TRDN: variants seen among roughly 807,000 people sequenced by gnomAD.
TRDN encodes the protein triadin, also known as triadin in skeletal muscle.
A neutral mutation model predicts 149.7 loss-of-function variants in TRDN; 161 were observed. The observed-to-expected ratio is 1.08, with a 90% CI of 0.95 to 1.23. The LOEUF is 1.23. Among genes scored for constraint, TRDN ranks in the 50% most tolerant of loss-of-function variants. The pLI is 0.00. For synonymous variants in TRDN, 294 were observed against 250.5 expected (o/e 1.17, Z -1.64); for missense variants, 896 against 823.5 (o/e 1.09, Z -1.08).
intron 5 of TRDN, among the ~76,000 whole-genome samples, chr6:123,519,029 A>G (rs1324655509): frequency 6.6e-6 from 1 of 152,186 alleles, no homozygotes; most frequent in Non-Finnish European, 1.5e-5. Flanking sequence ...AGGAGTTTTC[A>G]TATGGAAGAA....
At chr6:123,388,753 C>A (rs1463431941) in intron 13 of TRDN, among the ~76,000 whole-genome samples, 2 of 151,762 alleles carry the variant, frequency 1.3e-5, no homozygotes, top group East Asian at 3.9e-4. Flanking sequence ...TAAGCATTAG[C>A]AAAAGAAGAA....
chr6:123,264,926 A>T (rs1776888270), intron 33 of TRDN, among the ~76,000 whole-genome samples: 1 of 152,074 alleles, frequency 6.6e-6, no homozygotes, highest in Admixed American at 6.6e-5. Context: ...TATAGTGCAA[A>T]CATAATCTTT....
chr6:123,219,879 C>G lies in TRDN; in HGVS notation c.2051-1139G>C, dbSNP rs377192202. Reference sequence around the variant, plus strand: ...CCCTGCACAAGGAGAAATGGAAATCCATTGCTAAAAGTAGAAGGGCCCATC... The same window carrying G: ...CCCTGCACAAGGAGAAATGGAAATCGATTGCTAAAAGTAGAAGGGCCCATC... On this transcript the variant is annotated intron_variant, in intron 40 of 40. Transcript: ENST00000334268. Among the ~76,000 whole-genome samples the G allele has an allele frequency of 1.7e-4, 26 of 151,896 alleles. 1 individual carries two copies. In the South Asian group the frequency reaches 5.2e-3, roughly 30 times the overall value.
Position 123,218,147 on chromosome 6 carries a change from T to A in TRDN, c.*454A>T, listed in dbSNP as rs1193193959. The A allele has an allele frequency of 6.6e-6, 1 of 151,956 alleles. No homozygotes were observed. The highest frequency in any genetic ancestry group is 1.5e-5 in the Non-Finnish European group (1 of 68,038). 9.4% of individuals were successfully genotyped at this position (151,956 alleles called of 1,614,324 possible). On this transcript the variant is annotated 3_prime_UTR_variant, in exon 41 of 41. Transcript: ENST00000334268. ...GCATCAACTTATTGGGTAAATTAAG[T>A]TTAGATACCCATATGATGCAAAAGG...
At chr6:123,497,873 C>T (rs1778515824) in intron 8 of TRDN, among the ~76,000 whole-genome samples, 1 of 152,112 alleles carries the variant, frequency 6.6e-6, no homozygotes, top group Admixed American at 6.6e-5. Context: ...TTCTTAAGAT[C>T]ATCTTATGAT....
chr6:123,368,430 G>A (rs1781198053), intron 19 of TRDN, among the ~76,000 whole-genome samples: 1 of 152,158 alleles, frequency 6.6e-6, no homozygotes, highest in South Asian at 2.1e-4. Context: ...CTTAGAATAA[G>A]CTGGGGAGTT....
intron 1 of TRDN, among the ~76,000 whole-genome samples, chr6:123,615,609 GC>G (rs1785043525): frequency 6.6e-6 from 1 of 152,018 alleles, no homozygotes; most frequent in Admixed American, 6.6e-5. Context: ...GTCATTCACA[GC>G]AACGTGGATG....
intron 12 of TRDN, among the ~76,000 whole-genome samples, chr6:123,401,238 G>A (rs1239554670): frequency 6.6e-6 from 1 of 152,060 alleles, no homozygotes. Context: ...AAATGGCTAG[G>A]TTTGTAAAAT....
chr6:123,297,713 T>G (rs1778254910), intron 24 of TRDN, among the ~76,000 whole-genome samples: 1 of 151,996 alleles, frequency 6.6e-6, no homozygotes. Flanking sequence ...TCAAAGGCCA[T>G]GCAAAGGGCG....
intron 20 of TRDN, among the ~76,000 whole-genome samples, chr6:123,362,624 G>A (rs111656604): frequency 1.1e-4 from 17 of 152,090 alleles, no homozygotes; most frequent in African/African-American, 2.9e-4. Context: ...ATCTTCTGCC[G>A]TAAACATTGT....
chr6:123,584,696 G>A lies in TRDN; in HGVS notation c.23-13564C>T, dbSNP rs565680740. On this transcript the variant is annotated intron_variant, in intron 1 of 40. Coordinates refer to ENST00000334268, the MANE Select transcript of TRDN (RefSeq NM_006073.4). ...CAGCCTAGGTAATTTGCTGAGCCTA[G>A]TGGGTGTCAGGGTCAGTCCAAGTGA... 9.8e-3 allele frequency among the ~76,000 whole-genome samples: 1,499 copies of A among 152,234 alleles called. 23 individuals are homozygous for A. Among genetic ancestry groups the A allele is most frequent in the East Asian group, 0.036 (187 of 5,160 alleles).
At position 123,217,505 on chromosome 6, in the gene TRDN, C is replaced by T. The variant is rs1005544117; in HGVS notation, c.*1096G>A. The T allele has an allele frequency of 1.3e-5, 2 of 151,736 alleles. No individual in the cohort carries two copies. Among genetic ancestry groups the T allele is most frequent in the African/African-American group, 4.8e-5 (2 of 41,344 alleles). 9.4% of individuals were successfully genotyped at this position (151,736 alleles called of 1,614,324 possible). A position where few individuals can be genotyped will look rare whatever the true frequency, so the allele number is the denominator to read the frequency against. ...TAAAGAACACGAGTATTTATATTAC[C>T]AGGAATATGACAAAAACATAACAGT... On this transcript the variant is annotated 3_prime_UTR_variant, in exon 41 of 41. Transcript: ENST00000334268.
intron 4 of TRDN, among the ~76,000 whole-genome samples, chr6:123,542,983 A>G (rs1016015155): frequency 6.6e-6 from 1 of 152,098 alleles, no homozygotes; most frequent in African/African-American, 2.4e-5. Flanking sequence ...TCTAAAAAAT[A>G]GATATCATTA....
chr6:123,279,644 A>G (rs1239753290), intron 24 of TRDN, among the ~76,000 whole-genome samples: 1 of 151,958 alleles, frequency 6.6e-6, no homozygotes, highest in African/African-American at 2.4e-5. Context: ...TTCATCATTA[A>G]TTCACTGTAA....
intron 16 of TRDN, among the ~76,000 whole-genome samples, chr6:123,379,012 C>T (rs948725630): frequency 8.6e-5 from 13 of 152,020 alleles, no homozygotes; most frequent in Non-Finnish European, 4.4e-5. Context: ...TTTATTTTGC[C>T]TTGACAACCT....
intron 19 of TRDN, among the ~76,000 whole-genome samples, chr6:123,367,497 T>C (rs554919328): frequency 6.6e-6 from 1 of 152,292 alleles, no homozygotes; most frequent in African/African-American, 2.4e-5. Context: ...TTTCAGGTTT[T>C]AATTCCACAA....
rs553947269 is a variant in TRDN, at chr6:123,360,446, T to C, written c.1321+5689A>G. ...TATGGAGAGAACCAGGGGACTATATTGTCATGGTAGCCCAACAACAGAGAA... is the reference window on the plus strand; with the variant it reads ...TATGGAGAGAACCAGGGGACTATATCGTCATGGTAGCCCAACAACAGAGAA... On this transcript the variant is annotated intron_variant, in intron 20 of 40. Coordinates refer to ENST00000334268, the MANE Select transcript of TRDN (RefSeq NM_006073.4). Among the ~76,000 whole-genome samples the C allele has an allele frequency of 1.2e-4, 18 of 152,300 alleles. No homozygotes were observed. The South Asian group carries it at 3.3e-3, about 28-fold the overall frequency.
At chr6:123,574,722 A>T (rs1006718187) in intron 1 of TRDN, among the ~76,000 whole-genome samples, 22 of 151,578 alleles carry the variant, frequency 1.5e-4, no homozygotes, top group African/African-American at 4.8e-4. Flanking sequence ...TATTTCTGTA[A>T]ACAGTATTAC....
intron 20 of TRDN, among the ~76,000 whole-genome samples, chr6:123,360,123 A>AC (rs1310610447): frequency 2.0e-5 from 3 of 151,986 alleles, no homozygotes; most frequent in African/African-American, 7.3e-5. Context: ...TCAACCTATC[A>AC]CCTAGGTATT....
Sources: allele counts gnomAD v4.1 joint callset (sites outside exome capture counted in the v4.1 genomes callset), GRCh38; gene constraint gnomAD v4.1.1; transcripts MANE v1.5; gene names NCBI Gene and HGNC (gene_info 2026-07-23, HGNC 2026-07-21).